BSG: variants seen among roughly 807,000 people sequenced by gnomAD.
The protein encoded by BSG is basigin (Ok blood group).
In BSG, 37 loss-of-function variants were observed where a neutral mutation model predicts 43.1. The observed-to-expected ratio is 0.86, with a 90% CI of 0.66 to 1.13. The LOEUF is 1.13. Ranked by LOEUF, BSG falls within the 50% of genes most tolerant of loss-of-function variation. The pLI is 0.00. For missense variants in BSG, 599 were observed against 554.2 expected (o/e 1.08, Z -0.81); for synonymous variants, 309 against 238.7 (o/e 1.29, Z -2.72).
chr19:572,665 T>G lies in BSG; in HGVS notation c.31T>G (p.Phe11Val). The G allele has an allele frequency of 6.6e-7, 1 of 1,504,786 alleles. No homozygotes were observed. Among genetic ancestry groups the G allele is most frequent in the Non-Finnish European group, 8.9e-7 (1 of 1,124,992 alleles). The allele number at this position is 1,504,786 out of a possible 1,614,324, so 93.2% of individuals were successfully genotyped here. ...GGCTGCGCTGTTCGTGCTGCTGGGA[T>G]TCGCGCTGCTGGGCACCCACGGAGC... MAAALFVLLG[F>V]ALLGTHGASG... The change falls in exon 1 of 9, where the codon TTC (phenylalanine) becomes GTC (valine). Residue 11 changes from phenylalanine to valine, a missense_variant. Physicochemically the swap from Phe to Val is conservative, Grantham distance 50. Transcript: ENST00000333511.
At chr19:579,018 C>G (rs930672195) in intron 2 of BSG, 1 of 456,174 alleles carries the variant, frequency 2.2e-6, no homozygotes, top group African/African-American at 2.0e-5. Context: ...GCGTGAGCCT[C>G]CGCGCCCGGC....
At chr19:580,343 G>C in intron 3 of BSG, 36 bp from the exon 4 acceptor site, 1 of 1,597,710 alleles carries the variant, frequency 6.3e-7, no homozygotes, top group South Asian at 1.1e-5. Flanking sequence ...GTCCTGCAGA[G>C]CTGGTACGCG....
At chr19:581,285 T>C (rs373097790) in intron 5 of BSG, 30 bp from the exon 6 acceptor site, 106 of 1,592,692 alleles carry the variant, frequency 6.7e-5, no homozygotes, top group East Asian at 3.6e-4. Flanking sequence ...CTGGGGGTCC[T>C]GGACTCAGCC....
In BSG at chr19:582,319, C is replaced by T; in HGVS notation, c.1083C>T (p.Gly361=). 1 of 1,600,304 alleles carries T rather than the reference C, an allele frequency of 6.2e-7. No individual in the cohort carries two copies. The highest frequency in any genetic ancestry group is 8.5e-7 in the Non-Finnish European group (1 of 1,176,948). Residue 361 remains glycine, a synonymous_variant, in exon 7 of 9, where the codon GGC becomes GGT. Coordinates refer to ENST00000333511, the MANE Select transcript of BSG (RefSeq NM_001728.4). ...GTCCTTCTTCAGATGACGACGCCGG[C>T]TCTGCACCCCTGTAAGTTCCAGCTG... ...PEDVLDDDDA[G]SAPLKSSGQH... is the part of the protein sequence containing the mutation.
chr19:572,830 C>T, intron 1 of BSG, 129 bp downstream of exon 1: 1 of 1,101,206 alleles, frequency 9.1e-7, no homozygotes, highest in South Asian at 3.1e-5. Context: ...AAGGCCGGCC[C>T]CGGGGGCTTC....
At chr19:572,329 G>C, upstream of BSG, 1 of 989,400 alleles carries the variant, frequency 1.0e-6, no homozygotes, top group Non-Finnish European at 1.2e-6. Context: ...AACTTTGAAA[G>C]CAGGAAGGAA....
At chr19:580,911 C>T in intron 5 of BSG, 129 bp downstream of exon 5, 1 of 701,728 alleles carries the variant, frequency 1.4e-6, no homozygotes, top group Non-Finnish European at 2.3e-6. Context: ...CCGGACCCAG[C>T]CCTCAGGACT....
chr19:576,768 AGAG>A (rs146356423), intron 1 of BSG, among the ~76,000 whole-genome samples: 20,475 of 149,622 alleles, frequency 0.14, 1,579 homozygotes, highest in South Asian at 0.26. Flanking sequence ...AAAAAGAAGA[AGAG>A]GAGAAAGAAA....
At chr19:581,644 C>G in intron 6 of BSG, 53 bp downstream of exon 6, 1 of 1,510,998 alleles carries the variant, frequency 6.6e-7, no homozygotes, top group East Asian at 2.4e-5. Flanking sequence ...TGGCCCAGGG[C>G]CACTCCTGGT....
intron 1 of BSG, among the ~76,000 whole-genome samples, chr19:573,485 T>TAAA (rs1237749235): frequency 2.6e-5 from 4 of 152,124 alleles, no homozygotes; most frequent in African/African-American, 9.7e-5. Context: ...CTTCACGGGA[T>TAAA]TTAGCCCTGG....
At chr19:576,477 G>A (rs1981780678) in intron 1 of BSG, among the ~76,000 whole-genome samples, 1 of 152,216 alleles carries the variant, frequency 6.6e-6, no homozygotes, top group Non-Finnish European at 1.5e-5. Context: ...AAATGGCACT[G>A]CCAGCCAGGC....
intron 3 of BSG, 151 bp from the exon 4 acceptor site, chr19:580,228 A>C: frequency 1.5e-6 from 1 of 664,452 alleles, no homozygotes. Context: ...TTGGGGCCGC[A>C]CGGGGACCCC....
At chr19:577,043 G>A (rs575993771) in intron 1 of BSG, among the ~76,000 whole-genome samples, 6 of 152,190 alleles carry the variant, frequency 3.9e-5, no homozygotes, top group Non-Finnish European at 8.8e-5. Flanking sequence ...AGGTCCTGGC[G>A]GGAGGAGGCA....
At chr19:578,483 G>T (rs991155824) in intron 2 of BSG, among the ~76,000 whole-genome samples, 1 of 152,268 alleles carries the variant, frequency 6.6e-6, no homozygotes, top group Admixed American at 6.5e-5. Flanking sequence ...CTCAGCCCAG[G>T]CTTGCAGGTC....
chr19:578,929 A>AAAAATACAT (rs1982023365), intron 2 of BSG: 1 of 434,266 alleles, frequency 2.3e-6, no homozygotes, highest in African/African-American at 2.0e-5. Flanking sequence ...ACGGGGTTTC[A>AAAAATACAT]CCGTGTTAGC....
intron 2 of BSG, 21 bp from the exon 3 acceptor site, chr19:579,479 G>A (rs377145573): frequency 5.6e-6 from 9 of 1,611,700 alleles, no homozygotes; most frequent in South Asian, 4.4e-5. Context: ...TCTGCTGACC[G>A]CGTCTCGCCG....
At position 577,863 on chromosome 19, in the gene BSG, G is replaced by A. The variant is rs773692845; in HGVS notation, c.157G>A (p.Glu53Lys). The A allele has an allele frequency of 3.8e-5, 59 of 1,556,988 alleles. No homozygotes were observed. The highest frequency in any genetic ancestry group is 6.7e-5 in the African/African-American group (5 of 74,078). ...HCEAVGSPVP[E>K]IQWWFEGQGP... is the part of the protein sequence containing the mutation. ...CGAGGCCGTGGGCAGCCCGGTGCCCGAGATCCAGTGGTGGTTTGAAGGGCA... is the reference window on the plus strand; with the variant it reads ...CGAGGCCGTGGGCAGCCCGGTGCCCAAGATCCAGTGGTGGTTTGAAGGGCA... The change falls in exon 2 of 9, where the codon GAG becomes AAG. Residue 53 changes from glutamate to lysine, a missense_variant. Transcript: ENST00000333511.
chr19:580,573 A>C, intron 4 of BSG, 73 bp from the exon 5 acceptor site: 2 of 1,606,196 alleles, frequency 1.2e-6, no homozygotes, highest in East Asian at 2.2e-5. Flanking sequence ...GGAGGGGAAC[A>C]GCCCTCCTGC....
rs6757 is a variant in BSG at position 583,418 on chromosome 19, T to C, written c.*674T>C. Reference sequence around the variant, plus strand: ...CACCCCTGGAGGACGGCCGGCTCTCTATAGCACCAGGGCTCACGTGGGAAC... The same window carrying C: ...CACCCCTGGAGGACGGCCGGCTCTCCATAGCACCAGGGCTCACGTGGGAAC... On this transcript the variant is annotated 3_prime_UTR_variant, in exon 9 of 9. Transcript: ENST00000333511. The C allele has an allele frequency of 0.13, 19,442 of 152,188 alleles. 1,522 individuals are homozygous for C. Among genetic ancestry groups the C allele is most frequent in the South Asian group, 0.25 (1,196 of 4,822 alleles). 9.4% of individuals were successfully genotyped at this position (152,188 alleles called of 1,614,324 possible).
Sources: gnomAD v4.1 joint callset for allele counts (sites outside exome capture counted in the v4.1 genomes callset) on GRCh38, gnomAD v4.1.1 for gene constraint, MANE v1.5 for transcripts, NCBI Gene and HGNC (gene_info 2026-07-23, HGNC 2026-07-21) for gene names.